NIM1K: variants seen among roughly 807,000 people sequenced by gnomAD.
NIM1K encodes the protein serine/threonine-protein kinase NIM1.
Under a neutral mutation model 37.1 loss-of-function variants are expected in NIM1K, and 35 were observed. That is an observed-to-expected ratio of 0.94 (90% CI 0.72 to 1.25). The LOEUF is 1.25. NIM1K is among the 50% of genes most tolerant of loss of function. The pLI is 0.00. For missense variants in NIM1K, 564 were observed against 548.0 expected, an observed-to-expected ratio of 1.03 and a Z score of -0.29; for synonymous variants, 234 against 206.6, an observed-to-expected ratio of 1.13 and a Z score of -1.14.
chr5:43,239,930 T>C (rs1031775584), intron 1 of NIM1K, among the ~76,000 whole-genome samples: 2 of 152,144 alleles, frequency 1.3e-5, no homozygotes, highest in African/African-American at 4.8e-5. Flanking sequence ...AATTATCTTT[T>C]TATTTTAAAA....
chr5:43,245,715 C>A lies in NIM1K; in HGVS notation c.-61C>A. ...AGTTGGCATCTCCCACCCTCTGAGCCTCTTCTGCTCCTGCACAACCTGCCT... is the reference window on the plus strand; with the variant it reads ...AGTTGGCATCTCCCACCCTCTGAGCATCTTCTGCTCCTGCACAACCTGCCT... On this transcript the variant is annotated 5_prime_UTR_variant, in exon 2 of 4. Coordinates refer to ENST00000326035, the MANE Select transcript of NIM1K (RefSeq NM_153361.4). 6.7e-7 allele frequency: 1 copy of A among 1,492,326 alleles called. No individual in the cohort carries two copies. The highest frequency in any genetic ancestry group is 9.0e-7 in the Non-Finnish European group (1 of 1,108,544). The allele number at this position is 1,492,326 out of a possible 1,614,324, so 92.4% of individuals were successfully genotyped here. A position where few individuals can be genotyped will look rare whatever the true frequency, so the allele number is the denominator to read the frequency against.
intron 1 of NIM1K, among the ~76,000 whole-genome samples, chr5:43,200,463 G>T (rs993223761): frequency 6.6e-6 from 1 of 151,866 alleles, no homozygotes; most frequent in Non-Finnish European, 1.5e-5. Flanking sequence ...TCCATGCCCG[G>T]CTACTTTTTT....
chr5:43,231,516 A>G (rs1418325963), intron 1 of NIM1K, among the ~76,000 whole-genome samples: 1 of 147,576 alleles, frequency 6.8e-6, no homozygotes, highest in Non-Finnish European at 1.5e-5. Flanking sequence ...ATTACATATT[A>G]AATCTCCATA....
rs1383861226 is a variant in NIM1K, at chr5:43,280,088, G to A, written c.670G>A (p.Gly224Ser). The A allele has an allele frequency of 5.0e-6, 8 of 1,614,148 alleles. No individual in the cohort carries two copies. The highest frequency in any genetic ancestry group is 1.7e-5 in the Admixed American group (1 of 60,016). Residue 224 changes from glycine to serine, a missense_variant, in exon 4 of 4, where the codon GGT (glycine) becomes AGT (serine). Gly to Ser is a moderately conservative substitution (Grantham distance 56). Coordinates refer to ENST00000326035, the MANE Select transcript of NIM1K (RefSeq NM_153361.4). ...DFGFSTVSKKGEMLNTFCGSP... is the reference protein window; with the variant it reads ...DFGFSTVSKKSEMLNTFCGSP... ...TGGATTCAGCACAGTAAGCAAAAAA[G>A]GTGAAATGCTGAACACTTTCTGTGG...
intron 1 of NIM1K, among the ~76,000 whole-genome samples, chr5:43,223,427 C>A (rs1389035118): frequency 6.6e-6 from 1 of 152,100 alleles, no homozygotes; most frequent in Non-Finnish European, 1.5e-5. Flanking sequence ...TATATAAGAG[C>A]TAACTGTTAT....
intron 2 of NIM1K, among the ~76,000 whole-genome samples, chr5:43,258,396 T>C (rs1037303082): frequency 3.9e-5 from 6 of 152,154 alleles, no homozygotes; most frequent in African/African-American, 1.4e-4. Context: ...TTGGGGCTAT[T>C]ATGAATAACA....
intron 1 of NIM1K, among the ~76,000 whole-genome samples, chr5:43,199,175 T>C (rs1263709294): frequency 1.1e-5 from 1 of 93,890 alleles, no homozygotes; most frequent in African/African-American, 4.3e-5. Context: ...GCAACAAGAG[T>C]GAAGCTCTGT....
At chr5:43,236,656 T>A (rs1752626459) in intron 1 of NIM1K, among the ~76,000 whole-genome samples, 1 of 152,210 alleles carries the variant, frequency 6.6e-6, no homozygotes. Flanking sequence ...CCTGCACTGT[T>A]CTAGGCGTTT....
intron 1 of NIM1K, among the ~76,000 whole-genome samples, chr5:43,194,127 C>G (rs1403056463): frequency 6.6e-6 from 1 of 152,292 alleles, no homozygotes; most frequent in African/African-American, 2.4e-5. Context: ...GCTCACTGCA[C>G]GAACAGAGGA....
intron 1 of NIM1K, among the ~76,000 whole-genome samples, chr5:43,205,956 C>T: frequency 6.6e-6 from 1 of 152,056 alleles, no homozygotes; most frequent in East Asian, 1.9e-4. Flanking sequence ...TTGTGATCCG[C>T]CCGCCTCGAC....
At chr5:43,232,281 G>T in intron 1 of NIM1K, 1 of 1,137,544 alleles carries the variant, frequency 8.8e-7, no homozygotes, top group Non-Finnish European at 1.3e-6. Flanking sequence ...TGGTTGGCAG[G>T]CTGAAAGCAA....
At chr5:43,222,879 G>A (rs968881954) in intron 1 of NIM1K, among the ~76,000 whole-genome samples, 3 of 152,046 alleles carry the variant, frequency 2.0e-5, no homozygotes. Context: ...AGTGGCTCAC[G>A]CCTGTAATCC....
chr5:43,199,858 C>T (rs1751992576), intron 1 of NIM1K, among the ~76,000 whole-genome samples: 1 of 152,168 alleles, frequency 6.6e-6, no homozygotes, highest in African/African-American at 2.4e-5. Context: ...CCCCGGTTTA[C>T]ACCTGTTGTC....
chr5:43,218,004 G>T (rs954293808), intron 1 of NIM1K, among the ~76,000 whole-genome samples: 8 of 151,564 alleles, frequency 5.3e-5, no homozygotes, highest in African/African-American at 1.9e-4. Flanking sequence ...GAGCCTCCGT[G>T]CCCAGACCTC....
intron 2 of NIM1K, among the ~76,000 whole-genome samples, chr5:43,247,462 T>C (rs1258537662): frequency 6.6e-6 from 1 of 152,210 alleles, no homozygotes; most frequent in African/African-American, 2.4e-5. Context: ...TATCAGAAGT[T>C]CATTCCTGCC....
At chr5:43,214,830 A>AG (rs1484368422) in intron 1 of NIM1K, among the ~76,000 whole-genome samples, 3 of 147,756 alleles carry the variant, frequency 2.0e-5, no homozygotes, top group African/African-American at 7.4e-5. Context: ...AAAAAAAAAA[A>AG]ACAAAAAAGA....
chr5:43,206,606 C>A, intron 1 of NIM1K: 1 of 622,750 alleles, frequency 1.6e-6, no homozygotes, highest in Admixed American at 2.5e-5. Context: ...AAGTGCTAGT[C>A]CTGGCCTCCC....
At chr5:43,207,499 T>C (rs929382178) in intron 1 of NIM1K, 3 of 732,564 alleles carry the variant, frequency 4.1e-6, no homozygotes, top group African/African-American at 1.7e-5. Context: ...GATAATTTTA[T>C]TATGTGATTA....
At chr5:43,239,516 G>A (rs996841647) in intron 1 of NIM1K, among the ~76,000 whole-genome samples, 6 of 149,478 alleles carry the variant, frequency 4.0e-5, no homozygotes, top group African/African-American at 1.2e-4. Flanking sequence ...GGGATTATAG[G>A]CGTGAGCCAC....
Sources: gnomAD v4.1 joint callset for allele counts (sites outside exome capture counted in the v4.1 genomes callset) on GRCh38, gnomAD v4.1.1 for gene constraint, MANE v1.5 for transcripts, NCBI Gene and HGNC (gene_info 2026-07-23, HGNC 2026-07-21) for gene names.